The following PTPN12 variants were observed in gnomAD, a reference collection of about 807,000 sequenced individuals.
The protein encoded by PTPN12 is tyrosine-protein phosphatase non-receptor type 12.
Under a neutral mutation model 97.6 loss-of-function variants are expected in PTPN12, and 29 were observed. That is an observed-to-expected ratio of 0.30 (90% CI 0.22 to 0.41). PTPN12 has a LOEUF of 0.41. Ranked by LOEUF, PTPN12 falls within the 10% of genes least tolerant of loss-of-function variation. PTPN12 has a pLI of 1.00. For synonymous variants in PTPN12, 327 were observed against 300.4 expected (o/e 1.09, Z -0.91); for missense variants, 819 against 926.0 (o/e 0.88, Z 1.50).
In PTPN12 at chr7:77,607,221, C is replaced by A; in HGVS notation, c.696-14C>A. On this transcript the variant is annotated splice_polypyrimidine_tract_variant and intron_variant, in intron 8 of 17. Transcript: ENST00000248594. ...TCACAAAAATCAATTGTTTTTCAAA[C>A]TTTATATCCTTAGTGCAGGCTGTGG... The A allele has an allele frequency of 6.4e-7, 1 of 1,571,826 alleles. No homozygotes were observed. The highest frequency in any genetic ancestry group is 8.6e-7 in the Non-Finnish European group (1 of 1,158,426).
At chr7:77,593,551 G>A (rs559811174) in intron 6 of PTPN12, among the ~76,000 whole-genome samples, 59 of 152,330 alleles carry the variant, frequency 3.9e-4, no homozygotes, top group African/African-American at 1.3e-3. Context: ...AAAGTCTGTT[G>A]TAGAATCAGG....
chr7:77,540,447 A>C (rs1361830894), intron 1 of PTPN12, among the ~76,000 whole-genome samples: 1 of 151,850 alleles, frequency 6.6e-6, no homozygotes, highest in East Asian at 1.9e-4. Flanking sequence ...CATATTGGCC[A>C]GACTGGTCTT....
intron 1 of PTPN12, among the ~76,000 whole-genome samples, chr7:77,557,049 CT>C (rs1562709865): frequency 6.6e-6 from 1 of 152,012 alleles, no homozygotes; most frequent in Admixed American, 6.5e-5. Context: ...ACACTGCAGC[CT>C]CAACCTCGTG....
chr7:77,639,214 T>C lies in PTPN12; in HGVS notation c.2282-5T>C, dbSNP rs1789712130. 6.2e-7 allele frequency: 1 copy of C among 1,609,434 alleles called. No individual in the cohort carries two copies. The highest frequency in any genetic ancestry group is 8.5e-7 in the Non-Finnish European group (1 of 1,176,706). On this transcript the variant is annotated splice_polypyrimidine_tract_variant and splice_region_variant and intron_variant, in intron 17 of 17. Coordinates refer to ENST00000248594, the MANE Select transcript of PTPN12 (RefSeq NM_002835.4). ...TGACTAGTTATTGTGGTGTTTTCAC[T>C]GTAGGTTTTGGTAATCGATGTGGAA... is the stretch of plus-strand genomic sequence containing the variant.
chr7:77,575,148 G>A (rs1279910017), intron 2 of PTPN12, among the ~76,000 whole-genome samples: 1 of 151,806 alleles, frequency 6.6e-6, no homozygotes, highest in Non-Finnish European at 1.5e-5. Context: ...AATTTATATT[G>A]AAAGTAATTG....
intron 1 of PTPN12, among the ~76,000 whole-genome samples, chr7:77,560,928 C>T (rs1472849819): frequency 6.6e-6 from 1 of 152,144 alleles, no homozygotes; most frequent in Non-Finnish European, 1.5e-5. Context: ...AATGGAATTG[C>T]TGAATGATAT....
intron 1 of PTPN12, among the ~76,000 whole-genome samples, chr7:77,543,966 G>A (rs6465742): frequency 0.69 from 105,539 of 152,146 alleles, 38,353 homozygotes; most frequent in East Asian, 0.9. Context: ...GAATAATGCA[G>A]CTATGAACAT....
chr7:77,583,772 A>G (rs1490092815), intron 4 of PTPN12, 122 bp downstream of exon 4: 14 of 586,932 alleles, frequency 2.4e-5, no homozygotes. Flanking sequence ...CTTATTGCTG[A>G]TGTTTACTAA....
chr7:77,626,940 T>C lies in PTPN12; in HGVS notation c.1261T>C (p.Ser421Pro), dbSNP rs781072621. The C allele has an allele frequency of 5.6e-6, 9 of 1,612,110 alleles. No homozygotes were observed. The Admixed American group carries it at 1.5e-4, about 27-fold the overall frequency. The change falls in exon 13 of 18, where the codon TCA (serine) becomes CCA (proline). Residue 421 changes from serine (S) to proline (P), a missense_variant. Physicochemically the swap from Ser to Pro is moderately conservative, Grantham distance 74. Coordinates refer to ENST00000248594, the MANE Select transcript of PTPN12 (RefSeq NM_002835.4). ...KSTELPGKNE[S>P]TIEQIDKKLE... is the part of the protein sequence containing the mutation. ...AACAGAACTTCCAGGGAAAAATGAA[T>C]CAACAATTGAACAGATAGATAAAAA...
intron 13 of PTPN12, among the ~76,000 whole-genome samples, chr7:77,632,091 C>T (rs927966322): frequency 7.9e-5 from 12 of 152,210 alleles, no homozygotes; most frequent in Non-Finnish European, 1.5e-4. Flanking sequence ...TGAAGATTCC[C>T]TTCAGGCTTG....
chr7:77,621,187 A>AG (rs1337382986), intron 12 of PTPN12, among the ~76,000 whole-genome samples: 6 of 152,126 alleles, frequency 3.9e-5, no homozygotes, highest in Admixed American at 6.6e-5. Flanking sequence ...ACACAGGGTC[A>AG]GGATCATCAA....
intron 8 of PTPN12, among the ~76,000 whole-genome samples, chr7:77,601,378 T>A (rs75237604): frequency 0.027 from 4,126 of 151,980 alleles, 65 homozygotes; most frequent in Middle Eastern, 0.075. Context: ...TTAAAAAAAA[T>A]TTTTTTTAAG....
intron 12 of PTPN12, among the ~76,000 whole-genome samples, chr7:77,621,072 AAAT>A (rs1788918306): frequency 6.6e-6 from 1 of 151,646 alleles, no homozygotes; most frequent in Non-Finnish European, 1.5e-5. Context: ...ATATATATAA[AAAT>A]ATGTGTTGTG....
At chr7:77,629,267 A>G (rs554328712) in intron 13 of PTPN12, among the ~76,000 whole-genome samples, 5 of 152,308 alleles carry the variant, frequency 3.3e-5, no homozygotes, top group Admixed American at 1.3e-4. Context: ...GTCTTAAACT[A>G]TTTGCTTAAA....
chr7:77,629,894 T>C (rs1013237886), intron 13 of PTPN12, among the ~76,000 whole-genome samples: 7 of 150,946 alleles, frequency 4.6e-5, no homozygotes, highest in African/African-American at 1.7e-4. Flanking sequence ...TGAGCCATAA[T>C]TGCGTCCCGG....
At chr7:77,610,663 A>G in intron 9 of PTPN12, 102 bp from the exon 10 acceptor site, 1 of 1,196,872 alleles carries the variant, frequency 8.4e-7, no homozygotes, top group South Asian at 1.4e-5. Context: ...AAATGTTTGC[A>G]GTAAACCAGC....
chr7:77,593,806 G>A (rs970270548), intron 6 of PTPN12, among the ~76,000 whole-genome samples: 1 of 152,222 alleles, frequency 6.6e-6, no homozygotes, highest in Non-Finnish European at 1.5e-5. Flanking sequence ...CAGCCAAGTT[G>A]ACAGATAAAA....
chr7:77,552,422 C>T (rs370644048), intron 1 of PTPN12, among the ~76,000 whole-genome samples: 1 of 152,096 alleles, frequency 6.6e-6, no homozygotes, highest in African/African-American at 2.4e-5. Flanking sequence ...AAGGTCTCAG[C>T]ATCATATGTA....
chr7:77,566,082 A>C (rs528228101), intron 1 of PTPN12, among the ~76,000 whole-genome samples: 1 of 152,220 alleles, frequency 6.6e-6, no homozygotes, highest in Non-Finnish European at 1.5e-5. Context: ...GAAAGCCTTC[A>C]AAAAGGAAAT....
Sources: gnomAD v4.1 joint callset for allele counts (sites outside exome capture counted in the v4.1 genomes callset) on GRCh38, gnomAD v4.1.1 for gene constraint, MANE v1.5 for transcripts, NCBI Gene and HGNC (gene_info 2026-07-23, HGNC 2026-07-21) for gene names.